Variants in CADM1 observed in about 807,000 individuals in gnomAD.
The protein encoded by CADM1 is cell adhesion molecule 1.
Under a neutral mutation model 53.1 loss-of-function variants are expected in CADM1, and 15 were observed. The observed-to-expected ratio is 0.28, with a 90% CI of 0.19 to 0.44. The LOEUF (loss-of-function observed/expected upper bound fraction) is 0.44. Among genes scored for constraint, CADM1 ranks in the 20% least tolerant of loss-of-function variants. The pLI is 1.00. For synonymous variants in CADM1, 281 were observed against 243.0 expected (o/e 1.16, Z -1.45); for missense variants, 434 against 611.3 (o/e 0.71, Z 3.06).
intron 1 of CADM1, among the ~76,000 whole-genome samples, chr11:115,452,151 G>T (rs1433634737): frequency 5.0e-5 from 2 of 39,782 alleles, no homozygotes; most frequent in South Asian, 1.0e-3. Context: ...AGCGGGGTGG[G>T]GTGGTGGGGT....
intron 3 of CADM1, among the ~76,000 whole-genome samples, chr11:115,235,074 G>A (rs772531289): frequency 3.3e-5 from 5 of 151,804 alleles, no homozygotes; most frequent in Admixed American, 1.3e-4. Flanking sequence ...AGAAGAAACA[G>A]GCATGTATAC....
chr11:115,277,279 A>G (rs1295757061), intron 1 of CADM1, among the ~76,000 whole-genome samples: 2 of 152,192 alleles, frequency 1.3e-5, no homozygotes. Flanking sequence ...ACTCGATGAA[A>G]GCCATGGCTT....
At chr11:115,269,182 T>G (rs1359585976) in intron 1 of CADM1, among the ~76,000 whole-genome samples, 1 of 152,098 alleles carries the variant, frequency 6.6e-6, no homozygotes, top group Non-Finnish European at 1.5e-5. Flanking sequence ...AAATCCAGAC[T>G]AACCCAGTGG....
At chr11:115,190,725 G>GAGTGGGTGACCGGGGAGGAAGAC (rs1415981705) in intron 10 of CADM1, 163 bp downstream of exon 10, 6 of 582,240 alleles carry the variant, frequency 1.0e-5, no homozygotes, top group Non-Finnish European at 1.8e-5. Flanking sequence ...GAAAACAGGT[G>GAGTGGGTGACCGGGGAGGAAGAC]AGTGGGTGAC....
chr11:115,368,104 T>C (rs113919166), intron 1 of CADM1, among the ~76,000 whole-genome samples: 4,430 of 136,488 alleles, frequency 0.032, 113 homozygotes, highest in Middle Eastern at 0.069. Context: ...TTATTATCAC[T>C]AGAGTCTTTT....
At chr11:115,247,954 G>T (rs540541950) in intron 1 of CADM1, among the ~76,000 whole-genome samples, 1 of 152,176 alleles carries the variant, frequency 6.6e-6, no homozygotes, top group Non-Finnish European at 1.5e-5. Flanking sequence ...TTATTGGAAA[G>T]AATTATGTAA....
At chr11:115,428,626 G>A (rs1164128131) in intron 1 of CADM1, among the ~76,000 whole-genome samples, 1 of 152,106 alleles carries the variant, frequency 6.6e-6, no homozygotes, top group Non-Finnish European at 1.5e-5. Context: ...TAGAAGCCTT[G>A]CAATTGTCTA....
intron 1 of CADM1, among the ~76,000 whole-genome samples, chr11:115,319,680 G>A (rs912069795): frequency 7.9e-5 from 12 of 152,122 alleles, no homozygotes; most frequent in African/African-American, 2.7e-4. Context: ...TTAACAAAAA[G>A]GGCCAGACTG....
At chr11:115,472,335 G>C (rs1313098713) in intron 1 of CADM1, among the ~76,000 whole-genome samples, 1 of 152,234 alleles carries the variant, frequency 6.6e-6, no homozygotes, top group African/African-American at 2.4e-5. Flanking sequence ...GCCTTTGGAA[G>C]AAAGTTGGAT....
intron 1 of CADM1, among the ~76,000 whole-genome samples, chr11:115,348,068 T>C (rs545793234): frequency 1.3e-5 from 2 of 152,330 alleles, no homozygotes; most frequent in East Asian, 3.9e-4. Context: ...GTTAATTACC[T>C]ATTATTAAGT....
At position 115,266,284 on chromosome 11, in the gene CADM1, T is replaced by C. The variant is rs116037118; in HGVS notation, c.125-25864A>G. Among the ~76,000 whole-genome samples the C allele has an allele frequency of 5.1e-3, 784 of 152,346 alleles. 10 individuals carry two copies. Among genetic ancestry groups the C allele is most frequent in the African/African-American group, 0.018 (754 of 41,578 alleles). Reference sequence around the variant, plus strand: ...AGGTGGCTTTGACAGATGTTACTCATAGCAGTGAAATGTAACATTTTGAAG... The same window carrying C: ...AGGTGGCTTTGACAGATGTTACTCACAGCAGTGAAATGTAACATTTTGAAG... On this transcript the variant is annotated intron_variant, in intron 1 of 11. Transcript: ENST00000331581.
intron 1 of CADM1, among the ~76,000 whole-genome samples, chr11:115,361,505 C>T (rs1336316576): frequency 6.6e-6 from 1 of 152,112 alleles, no homozygotes; most frequent in African/African-American, 2.4e-5. Context: ...TTGAAGGTGA[C>T]CCTGAATGGT....
At chr11:115,498,384 T>C (rs1949665862) in intron 1 of CADM1, among the ~76,000 whole-genome samples, 1 of 152,160 alleles carries the variant, frequency 6.6e-6, no homozygotes, top group Non-Finnish European at 1.5e-5. Context: ...AAGACAAATA[T>C]ACGAATGGGG....
intron 1 of CADM1, among the ~76,000 whole-genome samples, chr11:115,323,958 C>T (rs77035758): frequency 0.032 from 4,850 of 151,404 alleles, 117 homozygotes; most frequent in Non-Finnish European, 0.046. Context: ...TGTTAAGTTG[C>T]TGTTCCAGGA....
At chr11:115,425,885 G>C (rs1364908328) in intron 1 of CADM1, among the ~76,000 whole-genome samples, 1 of 152,138 alleles carries the variant, frequency 6.6e-6, no homozygotes, top group Non-Finnish European at 1.5e-5. Context: ...TGTAAGCAGG[G>C]GTCTGTGTGG....
chr11:115,188,800 T>A (rs912308066), intron 10 of CADM1, among the ~76,000 whole-genome samples: 3 of 152,220 alleles, frequency 2.0e-5, no homozygotes, highest in Admixed American at 6.5e-5. Flanking sequence ...TCAATCAATA[T>A]GCTCCCCTTC....
intron 1 of CADM1, among the ~76,000 whole-genome samples, chr11:115,356,809 T>C (rs1483338033): frequency 6.6e-6 from 1 of 152,206 alleles, no homozygotes; most frequent in African/African-American, 2.4e-5. Flanking sequence ...AAACTGATGC[T>C]GTAATGGCTT....
intron 1 of CADM1, among the ~76,000 whole-genome samples, chr11:115,346,755 C>T (rs1318804062): frequency 6.6e-6 from 1 of 152,076 alleles, no homozygotes; most frequent in African/African-American, 2.4e-5. Context: ...ATCCATCACA[C>T]CTTATATGGG....
intron 1 of CADM1, among the ~76,000 whole-genome samples, chr11:115,303,475 A>G (rs1944286828): frequency 6.6e-6 from 1 of 152,052 alleles, no homozygotes; most frequent in Non-Finnish European, 1.5e-5. Context: ...TTCCTGCAAT[A>G]AACTACATTT....
Sources: allele counts gnomAD v4.1 joint callset (sites outside exome capture counted in the v4.1 genomes callset), GRCh38; gene constraint gnomAD v4.1.1; transcripts MANE v1.5; gene names NCBI Gene and HGNC (gene_info 2026-07-23, HGNC 2026-07-21).